The following TCP11L1 variants were observed in gnomAD, a reference collection of about 807,000 sequenced individuals.
TCP11L1 encodes T-complex protein 11-like protein 1.
A neutral mutation model predicts 48.9 loss-of-function variants in TCP11L1; 28 were observed. That is an observed-to-expected ratio of 0.57 (90% CI 0.42 to 0.78). TCP11L1 has a LOEUF of 0.78. Ranked by LOEUF, TCP11L1 falls within the 30% of genes least tolerant of loss-of-function variation. The probability of loss-of-function intolerance (pLI) is 0.00; values close to 1 mark genes in which losing one functional copy is unlikely to be tolerated. For synonymous variants in TCP11L1, 204 were observed against 231.9 expected, an observed-to-expected ratio of 0.88 and a Z score of 1.09; for missense variants, 505 against 613.4, an observed-to-expected ratio of 0.82 and a Z score of 1.87.
At chr11:33,063,329 T>A (rs7483038) in intron 7 of TCP11L1, among the ~76,000 whole-genome samples, 63,983 of 152,064 alleles carry the variant, frequency 0.42, 13,766 homozygotes, top group African/African-American at 0.51. Flanking sequence ...CTCTCTTGGT[T>A]ACGTACCTAG....
At chr11:33,056,805 A>C in intron 3 of TCP11L1, 1 of 266,840 alleles carries the variant, frequency 3.7e-6, no homozygotes, top group Non-Finnish European at 7.3e-6. Flanking sequence ...GTAACAGGGA[A>C]CTAAAATTAA....
chr11:33,043,733 G>GT lies in TCP11L1; in HGVS notation c.-24-10dup, dbSNP rs748222497. On this transcript the variant is annotated splice_polypyrimidine_tract_variant and intron_variant, in intron 1 of 9. Coordinates refer to ENST00000334274, the MANE Select transcript of TCP11L1 (RefSeq NM_018393.4). Reference sequence around the variant, plus strand: ...AGAATACTTTTAGTTCTTTTTTTTTGTTTTTTTCTTTCCTAGGAAAGTGAA... The same window carrying GT: ...AGAATACTTTTAGTTCTTTTTTTTTGTTTTTTTTCTTTCCTAGGAAAGTGAA... The GT allele has an allele frequency of 1.1e-5, 17 of 1,550,224 alleles. No homozygotes were observed. The highest frequency in any genetic ancestry group is 2.1e-5 in the Admixed American group (1 of 48,102).
At chr11:33,044,886 C>T (rs1389689317) in intron 2 of TCP11L1, among the ~76,000 whole-genome samples, 1 of 152,150 alleles carries the variant, frequency 6.6e-6, no homozygotes. Context: ...TAGAAAGCTT[C>T]TGTTTTCCTG....
intron 8 of TCP11L1, among the ~76,000 whole-genome samples, chr11:33,067,512 G>T (rs1446801297): frequency 6.6e-6 from 1 of 152,190 alleles, no homozygotes; most frequent in Non-Finnish European, 1.5e-5. Flanking sequence ...TCAGCTGAGG[G>T]CCTAGCCTGA....
intron 4 of TCP11L1, 79 bp downstream of exon 4, chr11:33,057,314 A>C: frequency 6.3e-7 from 1 of 1,581,392 alleles, no homozygotes; most frequent in Non-Finnish European, 8.6e-7. Flanking sequence ...CCACCAGAAG[A>C]CTTTAAAGAA....
rs1373631784 is a variant in TCP11L1 at position 33,061,430 on chromosome 11, T to C, written c.776-100T>C. 4 of 1,177,570 alleles carry C rather than the reference T, an allele frequency of 3.4e-6. No homozygotes were observed. In the African/African-American group the frequency reaches 6.2e-5, roughly 18 times the overall value. The allele number at this position is 1,177,570 out of a possible 1,614,324, so 72.9% of individuals were successfully genotyped here. A position where few individuals can be genotyped will look rare whatever the true frequency, so the allele number is the denominator to read the frequency against. On this transcript the variant is annotated intron_variant, in intron 6 of 9. Transcript: ENST00000334274. ...ATTTGATTCCAAAGTTCATACTTTA[T>C]ACTTTATCACTCCACCAGGACATCG... is the stretch of plus-strand genomic sequence containing the variant.
Position 33,072,510 on chromosome 11 carries a change from C to T in TCP11L1, c.1364C>T (p.Ala455Val), listed in dbSNP as rs1193021064. Residue 455 changes from alanine to valine, a missense_variant, in exon 10 of 10, where the codon GCC becomes GTC. Ala to Val is a moderately conservative substitution (Grantham distance 64, BLOSUM62 0). Coordinates refer to ENST00000334274, the MANE Select transcript of TCP11L1 (RefSeq NM_018393.4). Reference protein sequence around the residue: ...RILTFLETYLASGHQKPLPTV... With the variant: ...RILTFLETYLVSGHQKPLPTV... Reference sequence around the variant, plus strand: ...CTGACCTTCTTAGAAACCTACCTTGCCTCGGGTCATCAGAAGCCATTGCCC... The same window carrying T: ...CTGACCTTCTTAGAAACCTACCTTGTCTCGGGTCATCAGAAGCCATTGCCC... 1.9e-6 allele frequency: 3 copies of T among 1,614,128 alleles called. No individual in the cohort carries two copies. The highest frequency in any genetic ancestry group is 2.2e-5 in the East Asian group (1 of 44,872).
intron 5 of TCP11L1, among the ~76,000 whole-genome samples, 197 bp from the exon 6 acceptor site, chr11:33,058,762 A>C (rs565667673): frequency 3.5e-4 from 53 of 152,176 alleles, no homozygotes; most frequent in Admixed American, 1.1e-3. Flanking sequence ...CTTCATGTGG[A>C]TCCATCAGTT....
chr11:33,057,059 T>A (rs1854329715), intron 3 of TCP11L1, 56 bp from the exon 4 acceptor site: 19 of 1,610,522 alleles, frequency 1.2e-5, no homozygotes, highest in Non-Finnish European at 1.4e-5. Context: ...TGAAAGTGAT[T>A]TGAAACTCAA....
At chr11:33,062,711 A>G (rs1854502461) in intron 7 of TCP11L1, among the ~76,000 whole-genome samples, 1 of 152,078 alleles carries the variant, frequency 6.6e-6, no homozygotes, top group Admixed American at 6.5e-5. Context: ...CCACCATTCT[A>G]CTTTGAGTCT....
intron 3 of TCP11L1, among the ~76,000 whole-genome samples, chr11:33,055,714 A>G (rs1225351900): frequency 6.6e-6 from 1 of 152,168 alleles, no homozygotes; most frequent in African/African-American, 2.4e-5. Context: ...GCTTCTAAAT[A>G]TGACTTCACA....
At position 33,072,580 on chromosome 11, in the gene TCP11L1, A is replaced by T. The variant is rs1184965098; in HGVS notation, c.1434A>T (p.Glu478Asp). Residue 478 changes from glutamate (E) to aspartate (D), a missense_variant, in exon 10 of 10, where the codon GAA becomes GAT. Glu to Asp is a conservative substitution (Grantham distance 45). Around this residue, in one of 3 missense-constraint regions of TCP11L1, gnomAD observed 335 missense variants for 413.3 expected, o/e 0.81. Transcript: ENST00000334274. ...GTCCAGTTCAGAGAGAGCTGGAGGA[A>T]GTTGCTATTAAATTTGCTCGCCTGG... ...GLSPVQRELEEVAIKFARLVN... is the reference protein window; with the variant it reads ...GLSPVQRELEDVAIKFARLVN... The T allele has an allele frequency of 6.2e-7, 1 of 1,614,156 alleles. No homozygotes were observed. The highest frequency in any genetic ancestry group is 2.2e-5 in the East Asian group (1 of 44,878).
chr11:33,067,282 AG>A (rs1854646303), intron 8 of TCP11L1, among the ~76,000 whole-genome samples: 1 of 152,198 alleles, frequency 6.6e-6, no homozygotes, highest in Admixed American at 6.5e-5. Flanking sequence ...AGTGGTTCTA[AG>A]TAAATGCTCT....
At chr11:33,053,919 G>C (rs575722487) in intron 2 of TCP11L1, among the ~76,000 whole-genome samples, 1 of 151,872 alleles carries the variant, frequency 6.6e-6, no homozygotes, top group Non-Finnish European at 1.5e-5. Flanking sequence ...AGGTTCAAGC[G>C]ATCCTCCAGC....
intron 2 of TCP11L1, among the ~76,000 whole-genome samples, chr11:33,049,640 C>T (rs1020823733): frequency 2.0e-5 from 3 of 152,142 alleles, no homozygotes; most frequent in Non-Finnish European, 2.9e-5. Context: ...TTGATGTGCA[C>T]GGATACAAAC....
rs186955150 is a variant in TCP11L1 at position 33,046,608 on chromosome 11, C to G, written c.163+2672C>G. On this transcript the variant is annotated intron_variant, in intron 2 of 9. Transcript: ENST00000334274. The stretch of plus-strand genomic sequence containing the variant: ...CAAAATAAGGTTTAAAATCAATGCC[C>G]TAAGGTATTCCTTTTGGCTGCCTTC... Among the ~76,000 whole-genome samples, 693 of 152,320 alleles carry G rather than the reference C, an allele frequency of 4.5e-3. 3 individuals are homozygous for G. The highest frequency in any genetic ancestry group is 0.024 in the Middle Eastern group (7 of 294).
At chr11:33,065,560 G>A (rs1854590067) in intron 7 of TCP11L1, among the ~76,000 whole-genome samples, 1 of 152,226 alleles carries the variant, frequency 6.6e-6, no homozygotes, top group Admixed American at 6.5e-5. Flanking sequence ...ACCGCGGCCA[G>A]CCGGGGAGGT....
rs1169378028 is a variant in TCP11L1 at position 33,059,152 on chromosome 11, G to T, written c.775+57G>T. On this transcript the variant is annotated intron_variant, in intron 6 of 9. Coordinates refer to ENST00000334274, the MANE Select transcript of TCP11L1 (RefSeq NM_018393.4). ...TTGTCTGTGGTTTTTCATTTTAGCT[G>T]CCATAGCTTGTTGCATAATATTATT... The T allele has an allele frequency of 1.0e-5, 16 of 1,588,776 alleles. No homozygotes were observed. The African/African-American group carries it at 2.0e-4, about 20-fold the overall frequency.
rs1452532658 is a variant in TCP11L1 at position 33,068,785 on chromosome 11, C to T, written c.1253C>T (p.Thr418Met). The change falls in exon 9 of 10, where the codon ACG (threonine) becomes ATG (methionine). Residue 418 changes from threonine (T) to methionine (M), a missense_variant. Thr to Met is a moderately conservative substitution (Grantham distance 81, BLOSUM62 -1). Coordinates refer to ENST00000334274, the MANE Select transcript of TCP11L1 (RefSeq NM_018393.4). ...CTGTGTGGGTCCTCTCCCTTCACCA[C>T]GGACAAGGAGACCGTGCTCAAGGGC... is the stretch of plus-strand genomic sequence containing the variant. ...LSLCGSSPFT[T>M]DKETVLKGQI... The T allele has an allele frequency of 3.1e-6, 5 of 1,614,112 alleles. No individual in the cohort carries two copies. Among genetic ancestry groups the T allele is most frequent in the South Asian group, 2.2e-5 (2 of 91,076 alleles).
Sources: allele counts gnomAD v4.1 joint callset (sites outside exome capture counted in the v4.1 genomes callset), GRCh38; gene constraint gnomAD v4.1.1; regional missense constraint gnomAD v4.1.1; transcripts MANE v1.5; gene names NCBI Gene and HGNC (gene_info 2026-07-23, HGNC 2026-07-21).